Variants in UBAP2 observed in about 807,000 individuals in gnomAD.
UBAP2 encodes the protein ubiquitin associated protein 2.
A neutral mutation model predicts 139.6 loss-of-function variants in UBAP2; 75 were observed. The ratio of observed to expected loss-of-function variants is 0.54; its 90% CI spans 0.45 to 0.65. UBAP2 has a LOEUF of 0.65. UBAP2 is among the 30% of genes least tolerant of loss of function. The pLI is 0.00. For synonymous variants in UBAP2, 526 were observed against 526.2 expected (o/e 1.00, Z 0.01); for missense variants, 1,368 against 1,369.6 (o/e 1.00, Z 0.02).
chr9:33,981,119 T>TATATATATTCTGG (rs1820673028), intron 6 of UBAP2, among the ~76,000 whole-genome samples: 2 of 7,798 alleles, frequency 2.6e-4, no homozygotes, highest in Non-Finnish European at 3.2e-4. Context: ...TATATATATA[T>TATATATATTCTGG]ATATATATAT....
At chr9:33,993,724 C>T (rs1236166906) in intron 4 of UBAP2, among the ~76,000 whole-genome samples, 1 of 152,108 alleles carries the variant, frequency 6.6e-6, no homozygotes, top group South Asian at 2.1e-4. Context: ...ACTTCTGTCC[C>T]CCACAGCCCA....
Position 33,988,971 on chromosome 9 carries a change from ACAT to A in UBAP2, c.441_442+1del, listed in dbSNP as rs1564049849. On this transcript the variant is annotated splice_donor_variant and coding_sequence_variant, in exon 5 of 29. Transcript: ENST00000379238. LOFTEE classifies it high-confidence loss of function. ...AAAACTGAGGAGAAAGTCTGTACTT[ACAT>A]TCTCTGCCACGATTGCCGCCTCTTC... The A allele has an allele frequency of 6.2e-7, 1 of 1,610,518 alleles. No individual in the cohort carries two copies. Among genetic ancestry groups the A allele is most frequent in the South Asian group, 1.1e-5 (1 of 90,350 alleles).
chr9:34,034,437 TCAAAA>T (rs1457182808), intron 1 of UBAP2, among the ~76,000 whole-genome samples: 1 of 152,210 alleles, frequency 6.6e-6, no homozygotes, highest in African/African-American at 2.4e-5. Context: ...AATGTATCTA[TCAAAA>T]CAAAGTCATG....
intron 4 of UBAP2, 132 bp downstream of exon 4, chr9:33,996,091 T>G: frequency 3.1e-6 from 2 of 638,940 alleles, no homozygotes; most frequent in East Asian, 5.6e-5. Context: ...AATCGTTCTT[T>G]CTGGAACTTA....
chr9:34,037,333 C>T (rs1826523298), intron 1 of UBAP2, among the ~76,000 whole-genome samples: 1 of 152,136 alleles, frequency 6.6e-6, no homozygotes, highest in African/African-American at 2.4e-5. Context: ...TAGGGTTTCA[C>T]CATGTTGGCC....
intron 6 of UBAP2, among the ~76,000 whole-genome samples, chr9:33,982,468 T>C (rs929320821): frequency 6.6e-6 from 1 of 152,188 alleles, no homozygotes; most frequent in Non-Finnish European, 1.5e-5. Context: ...GCTGCTTTTA[T>C]ATAAAGCGAA....
At chr9:33,980,799 T>C (rs1820595958) in intron 6 of UBAP2, among the ~76,000 whole-genome samples, 1 of 151,240 alleles carries the variant, frequency 6.6e-6, no homozygotes. Flanking sequence ...CTACAAAAAT[T>C]AGCTGGGCAT....
In UBAP2 at chr9:33,941,646, T is replaced by A. The variant is rs1165752272; in HGVS notation, c.1929+3A>T. On this transcript the variant is annotated splice_donor_region_variant and intron_variant, in intron 16 of 28. Coordinates refer to ENST00000379238, the MANE Select transcript of UBAP2 (RefSeq NM_001370062.2). ...CTGAGAAAAAAACTAAAATACCACT[T>A]ACCATGATGGTTCCTGGAGCTGACT... 3 of 1,613,536 alleles carry A rather than the reference T, an allele frequency of 1.9e-6. No individual in the cohort carries two copies. The highest frequency in any genetic ancestry group is 2.5e-6 in the Non-Finnish European group (3 of 1,179,460).
intron 2 of UBAP2, among the ~76,000 whole-genome samples, chr9:34,016,370 C>CGGCAGCGGCGGTGGTGGTGGTGGTGGT (rs1321174650): frequency 8.5e-5 from 8 of 93,734 alleles, no homozygotes; most frequent in South Asian, 4.3e-4. Flanking sequence ...GCGGCAGCGG[C>CGGCAGCGGCGGTGGTGGTGGTGGTGGT]GGTGGTGGTG....
intron 17 of UBAP2, among the ~76,000 whole-genome samples, chr9:33,935,088 G>A (rs1824339880): frequency 6.8e-6 from 1 of 147,648 alleles, no homozygotes; most frequent in Non-Finnish European, 1.5e-5. Flanking sequence ...CAGTCAAGCT[G>A]GCCAACTACA....
chr9:33,975,236 C>G lies in UBAP2; in HGVS notation c.521-1999G>C, dbSNP rs559804736. 2.0e-5 allele frequency among the ~76,000 whole-genome samples: 3 copies of G among 151,014 alleles called. No individual in the cohort carries two copies. In the East Asian group the frequency reaches 5.9e-4, roughly 30 times the overall value. On this transcript the variant is annotated intron_variant, in intron 6 of 28. Coordinates refer to ENST00000379238, the MANE Select transcript of UBAP2 (RefSeq NM_001370062.2). ...CACGAGGTCAGGAGTTCAAGACCAG[C>G]CTGGCCAATATGGTGAAACCCCGTC...
chr9:33,963,756 G>T lies in UBAP2; in HGVS notation c.715C>A (p.Leu239Met). Reference sequence around the variant, plus strand: ...AGTCCATAAGAACTTTTGTTTGACAGATCCTGAGCTATGTTGTGAGTATTT... The same window carrying T: ...AGTCCATAAGAACTTTTGTTTGACATATCCTGAGCTATGTTGTGAGTATTT... ...ASNTHNIAQD[L>M]SNKSSYGLKG... Residue 239 changes from leucine (L) to methionine (M), a missense_variant, in exon 9 of 29, where the codon CTG (leucine) becomes ATG (methionine). By Grantham distance (15) the Leu-to-Met change is conservative. Coordinates refer to ENST00000379238, the MANE Select transcript of UBAP2 (RefSeq NM_001370062.2). 1 of 1,612,516 alleles carries T rather than the reference G, an allele frequency of 6.2e-7. No individual in the cohort carries two copies. Among genetic ancestry groups the T allele is most frequent in the African/African-American group, 1.3e-5 (1 of 75,012 alleles).
rs35956096 is a variant in UBAP2 at position 34,008,318 on chromosome 9, C to CAA, written c.99+8730_99+8731dup. Among the ~76,000 whole-genome samples the CAA allele has an allele frequency of 3.5e-4, 39 of 113,002 alleles. 1 individual carries two copies. Among genetic ancestry groups the CAA allele is most frequent in the South Asian group, 6.3e-4 (2 of 3,152 alleles). 74.1% of individuals were successfully genotyped at this position (113,002 alleles called of 152,430 possible). ...GGGCAACAAGAGCGAAACTCCGTCT[C>CAA]AAAAAAAAAAAAAAAAAAGTGGGAC... On this transcript the variant is annotated intron_variant, in intron 2 of 28. Coordinates refer to ENST00000379238, the MANE Select transcript of UBAP2 (RefSeq NM_001370062.2).
chr9:34,035,358 C>T (rs1437021894), intron 1 of UBAP2, among the ~76,000 whole-genome samples: 1 of 150,826 alleles, frequency 6.6e-6, no homozygotes, highest in Admixed American at 6.7e-5. Flanking sequence ...AAAAATTAGC[C>T]GGGCATGATG....
At chr9:34,007,707 C>T (rs1430633164) in intron 2 of UBAP2, among the ~76,000 whole-genome samples, 6 of 149,456 alleles carry the variant, frequency 4.0e-5, no homozygotes, top group African/African-American at 1.2e-4. Context: ...GGAGTGATCT[C>T]GGCTCACTGC....
At chr9:33,938,713 T>C (rs1468144776) in intron 16 of UBAP2, among the ~76,000 whole-genome samples, 1 of 151,046 alleles carries the variant, frequency 6.6e-6, no homozygotes, top group African/African-American at 2.4e-5. Context: ...GGAGAATCGC[T>C]TGAACCCGGG....
At chr9:33,955,285 C>T (rs1262394114) in intron 11 of UBAP2, among the ~76,000 whole-genome samples, 1 of 151,882 alleles carries the variant, frequency 6.6e-6, no homozygotes. Context: ...CTTTAGGAGG[C>T]CGAGGCTGGC....
rs765832848 is a variant in UBAP2 at position 33,992,671 on chromosome 9, C to A, written c.289-3545G>T. Among the ~76,000 whole-genome samples, 267 of 147,170 alleles carry A rather than the reference C, an allele frequency of 1.8e-3. 1 individual carries two copies. Among genetic ancestry groups the A allele is most frequent in the Non-Finnish European group, 3.4e-3 (225 of 66,772 alleles). On this transcript the variant is annotated intron_variant, in intron 4 of 28. Coordinates refer to ENST00000379238, the MANE Select transcript of UBAP2 (RefSeq NM_001370062.2). The stretch of plus-strand genomic sequence containing the variant: ...CTTATCGGGCGGAGGGGGGGGGGCA[C>A]AAATAGGGAAAAGAACCTTTAAGAA...
chr9:33,990,249 C>T (rs944671172), intron 4 of UBAP2, among the ~76,000 whole-genome samples: 34 of 152,138 alleles, frequency 2.2e-4, no homozygotes, highest in Non-Finnish European at 1.3e-4. Flanking sequence ...TTAAGAGTAA[C>T]TGTTTTATGC....
Sources: gnomAD v4.1 joint callset for allele counts (sites outside exome capture counted in the v4.1 genomes callset) on GRCh38, gnomAD v4.1.1 for gene constraint, MANE v1.5 for transcripts, NCBI Gene and HGNC (gene_info 2026-07-23, HGNC 2026-07-21) for gene names.